The following CLTCL1 variants were observed in gnomAD, a reference collection of about 807,000 sequenced individuals.
CLTCL1 encodes the protein clathrin heavy chain like 1, also known as clathrin heavy chain 2.
In CLTCL1, 159 loss-of-function variants were observed where a neutral mutation model predicts 190.0. The ratio of observed to expected loss-of-function variants is 0.84; its 90% confidence interval spans 0.74 to 0.95. The LOEUF (loss-of-function observed/expected upper bound fraction) is 0.95, where lower values mean the gene tolerates loss of function less well. Among genes scored for constraint, CLTCL1 ranks in the 40% least tolerant of loss-of-function variants. CLTCL1 has a pLI of 0.00. For missense variants in CLTCL1, 1,878 were observed against 2,033.4 expected (o/e 0.92, Z 1.47); for synonymous variants, 752 against 769.6 (o/e 0.98, Z 0.38).
At position 19,199,799 on chromosome 22, in the gene CLTCL1, G is replaced by A; in HGVS notation, c.3808C>T (p.Gln1270Ter). 6.3e-7 allele frequency: 1 copy of A among 1,598,650 alleles called. No individual in the cohort carries two copies. Among genetic ancestry groups the A allele is most frequent in the Non-Finnish European group, 8.5e-7 (1 of 1,172,986 alleles). ...ATGACGATGTGAAGACCACACAGCT[G>A]TGCGAAGCGGAACTCTTGTCCATCC... ...CMDGQEFRFA[Q>*]LCGLHIVIHA... Residue 1270 changes from glutamine to a stop codon, truncating the protein, a stop_gained, in exon 24 of 33, where the codon CAG becomes TAG. Coordinates refer to ENST00000427926, the MANE Select transcript of CLTCL1 (RefSeq NM_007098.4). LOFTEE classifies it high-confidence loss of function.
intron 23 of CLTCL1, among the ~76,000 whole-genome samples, chr22:19,200,979 C>G (rs2084863515): frequency 6.6e-6 from 1 of 152,186 alleles, no homozygotes; most frequent in Non-Finnish European, 1.5e-5. Flanking sequence ...CTGATATTAT[C>G]AGAGAGCCTC....
chr22:19,228,778 T>C (rs782082971), intron 11 of CLTCL1, among the ~76,000 whole-genome samples: 34 of 152,216 alleles, frequency 2.2e-4, no homozygotes, highest in Non-Finnish European at 4.1e-4. Flanking sequence ...CTTTCTTGTA[T>C]ATATATCTAA....
rs782520566 is a variant in CLTCL1, at chr22:19,223,932, T to C, written c.2251A>G (p.Ser751Gly). 2.5e-6 allele frequency: 4 copies of C among 1,613,898 alleles called. No individual in the cohort carries two copies. The African/African-American group carries it at 5.3e-5, about 22-fold the overall frequency. Reference protein sequence around the residue: ...IKEVERICRESSCYNPERVKN... With the variant: ...IKEVERICREGSCYNPERVKN... Reference sequence around the variant, plus strand: ...ACACGCTCTGGGTTGTAGCAGCTGCTCTCTCGGCATATCCTCTCCACCTCC... The same window carrying C: ...ACACGCTCTGGGTTGTAGCAGCTGCCCTCTCGGCATATCCTCTCCACCTCC... Residue 751 changes from serine to glycine, a missense_variant, in exon 14 of 33, where the codon AGC becomes GGC. Coordinates refer to ENST00000427926, the MANE Select transcript of CLTCL1 (RefSeq NM_007098.4).
chr22:19,222,918 A>G, intron 14 of CLTCL1, 109 bp from the exon 15 acceptor site: 3 of 1,345,442 alleles, frequency 2.2e-6, no homozygotes, highest in Non-Finnish European at 3.0e-6. Flanking sequence ...AGAGTGACAC[A>G]CAGGAGACTC....
At chr22:19,202,911 C>A (rs2084942688) in intron 22 of CLTCL1, among the ~76,000 whole-genome samples, 1 of 152,234 alleles carries the variant, frequency 6.6e-6, no homozygotes, top group Non-Finnish European at 1.5e-5. Flanking sequence ...CCCCTCTCCA[C>A]ATGCTCCATG....
chr22:19,286,099 T>C (rs1338350216), intron 1 of CLTCL1, among the ~76,000 whole-genome samples: 4 of 152,136 alleles, frequency 2.6e-5, no homozygotes, highest in African/African-American at 9.7e-5. Flanking sequence ...ACTCAGATCC[T>C]CCTAGGACTT....
chr22:19,281,064 G>A (rs2087694686), intron 1 of CLTCL1, among the ~76,000 whole-genome samples: 1 of 151,770 alleles, frequency 6.6e-6, no homozygotes, highest in Non-Finnish European at 1.5e-5. Context: ...GCCGAGGCGG[G>A]CAGATCACGA....
chr22:19,223,860 G>C (rs782188374), intron 14 of CLTCL1, 31 bp downstream of exon 14: 15 of 1,611,690 alleles, frequency 9.3e-6, no homozygotes, highest in Non-Finnish European at 1.2e-5. Flanking sequence ...AGCAAGGGCA[G>C]CTCATGGAAG....
intron 7 of CLTCL1, 56 bp from the exon 8 acceptor site, chr22:19,233,678 C>T (rs1436353737): frequency 1.3e-6 from 2 of 1,531,838 alleles, no homozygotes; most frequent in Admixed American, 3.6e-5. Context: ...GATCCCTTCA[C>T]TCAACTTCCT....
chr22:19,233,872 C>T (rs1413702527), intron 7 of CLTCL1, among the ~76,000 whole-genome samples: 3 of 152,174 alleles, frequency 2.0e-5, no homozygotes, highest in African/African-American at 4.8e-5. Context: ...AGTAAGAATT[C>T]GGCCTCTCAA....
chr22:19,222,030 C>A lies in CLTCL1; in HGVS notation c.2482G>T (p.Val828Leu). 1.9e-6 allele frequency: 3 copies of A among 1,613,926 alleles called. No homozygotes were observed. Among genetic ancestry groups the A allele is most frequent in the Non-Finnish European group, 2.5e-6 (3 of 1,179,782 alleles). Residue 828 changes from valine to leucine, a missense_variant, in exon 16 of 33, where the codon GTG (valine) becomes TTG (leucine). Val to Leu is a conservative substitution (Grantham distance 32). Coordinates refer to ENST00000427926, the MANE Select transcript of CLTCL1 (RefSeq NM_007098.4). The part of the protein sequence containing the change: ...GLLDVDCSEE[V>L]IKHLIMAVRG... ...ACTGCCATGATTAAGTGTTTAATCA[C>A]TTCCTCAGAACAATCCACATCAAGC...
intron 3 of CLTCL1, among the ~76,000 whole-genome samples, chr22:19,246,994 C>T (rs2086439482): frequency 6.6e-6 from 1 of 152,092 alleles, no homozygotes; most frequent in East Asian, 1.9e-4. Context: ...GTTTTTAATT[C>T]TGAAGTCCAA....
At chr22:19,272,800 A>G (rs1230044327) in intron 2 of CLTCL1, among the ~76,000 whole-genome samples, 1 of 152,036 alleles carries the variant, frequency 6.6e-6, no homozygotes, top group Non-Finnish European at 1.5e-5. Flanking sequence ...ATTTTTAGGG[A>G]CAGGGTCTTG....
At position 19,184,434 on chromosome 22, in the gene CLTCL1, T is replaced by C. The variant is rs186284631; in HGVS notation, c.4606-823A>G. Reference sequence around the variant, plus strand: ...TTGGGAGACCCCTGAGGACGCCCAGTGCCCACATCTGCATGGACCCGATGT... The same window carrying C: ...TTGGGAGACCCCTGAGGACGCCCAGCGCCCACATCTGCATGGACCCGATGT... On this transcript the variant is annotated intron_variant, in intron 29 of 32. Transcript: ENST00000427926. The C allele has an allele frequency of 3.3e-3, 1,481 of 455,682 alleles. 7 individuals are homozygous for C. The highest frequency in any genetic ancestry group is 5.3e-3 in the Non-Finnish European group (1,199 of 226,628). 28.2% of individuals were successfully genotyped at this position (455,682 alleles called of 1,614,324 possible).
At chr22:19,183,774 GC>G in intron 29 of CLTCL1, 163 bp from the exon 30 acceptor site, 1 of 682,524 alleles carries the variant, frequency 1.5e-6, no homozygotes, top group Non-Finnish European at 2.5e-6. Context: ...ATGCCCTGCT[GC>G]CCACTGGTGA....
At chr22:19,205,232 G>A (rs971651430) in intron 22 of CLTCL1, among the ~76,000 whole-genome samples, 1 of 152,074 alleles carries the variant, frequency 6.6e-6, no homozygotes, top group African/African-American at 2.4e-5. Context: ...TTTCTTGGCC[G>A]GGCACAGTGG....
intron 3 of CLTCL1, among the ~76,000 whole-genome samples, chr22:19,250,187 G>A (rs557859736): frequency 6.9e-4 from 105 of 152,248 alleles, no homozygotes; most frequent in African/African-American, 2.5e-3. Flanking sequence ...CTGGAAGGTG[G>A]AGGTTGCAGT....
chr22:19,197,137 G>T (rs2084736568), intron 24 of CLTCL1, among the ~76,000 whole-genome samples: 1 of 152,112 alleles, frequency 6.6e-6, no homozygotes, highest in Non-Finnish European at 1.5e-5. Flanking sequence ...CCCTGGACAA[G>T]ACCAGACGTC....
rs1039481029 is a variant in CLTCL1 at position 19,235,795 on chromosome 22, G to A, written c.870C>T (p.Gly290=). 1.4e-5 allele frequency: 23 copies of A among 1,613,886 alleles called. No homozygotes were observed. The highest frequency in any genetic ancestry group is 1.7e-5 in the Non-Finnish European group (20 of 1,179,796). Residue 290 remains glycine, a synonymous_variant, in exon 6 of 33, where the codon GGC becomes GGT. Coordinates refer to ENST00000427926, the MANE Select transcript of CLTCL1 (RefSeq NM_007098.4). ...TAATACGGTTCATGCAGATGCACAC[G>A]CCAGACTCTAGGTCGTACAGATGAA... is the stretch of plus-strand genomic sequence containing the variant. ...GYLHLYDLES[G]VCICMNRISA...
Sources: allele counts gnomAD v4.1 joint callset (sites outside exome capture counted in the v4.1 genomes callset), GRCh38; gene constraint gnomAD v4.1.1; transcripts MANE v1.5; gene names NCBI Gene and HGNC (gene_info 2026-07-23, HGNC 2026-07-21).